The following NRG1 variants were observed in gnomAD, a reference collection of about 807,000 sequenced individuals.
NRG1 encodes neuregulin 1, also known as pro-neuregulin-1, membrane-bound isoform.
A neutral mutation model predicts 63.8 loss-of-function variants in NRG1; 18 were observed. The ratio of observed to expected loss-of-function variants is 0.28; its 90% CI spans 0.19 to 0.42. The LOEUF (loss-of-function observed/expected upper bound fraction) is 0.42, where lower values mean the gene tolerates loss of function less well. Among genes scored for constraint, NRG1 ranks in the 10% least tolerant of loss-of-function variants. The probability of loss-of-function intolerance (pLI) is 1.00; values close to 1 mark genes in which losing one functional copy is unlikely to be tolerated. For missense variants in NRG1, 762 were observed against 814.7 expected (o/e 0.94, Z 0.79); for synonymous variants, 302 against 301.3 (o/e 1.00, Z -0.02).
chr8:32,596,144 C>A, intron 2 of NRG1, 139 bp downstream of exon 2: 1 of 662,948 alleles, frequency 1.5e-6, no homozygotes, highest in Non-Finnish European at 2.3e-6. Flanking sequence ...TATATAATGA[C>A]AAAAAATCAT....
chr8:31,854,669 G>T (rs1028814208), intron 1 of NRG1, among the ~76,000 whole-genome samples: 16 of 151,978 alleles, frequency 1.1e-4, no homozygotes, highest in Non-Finnish European at 1.8e-4. Flanking sequence ...GAATGTGTTT[G>T]CTCTTGCTTT....
At chr8:32,771,476 C>T (rs1383151027), downstream of NRG1, among the ~76,000 whole-genome samples, 2 of 150,762 alleles carry the variant, frequency 1.3e-5, no homozygotes, top group African/African-American at 4.9e-5. Context: ...TCTTATGCAG[C>T]CATACCATTT....
chr8:32,531,177 A>G (rs1013584117), intron 1 of NRG1, among the ~76,000 whole-genome samples: 2 of 152,070 alleles, frequency 1.3e-5, no homozygotes, highest in African/African-American at 4.8e-5. Context: ...AAAGAAAGAG[A>G]TGTTATCCAT....
chr8:31,662,854 A>G (rs775696186), intron 1 of NRG1, among the ~76,000 whole-genome samples: 8 of 152,110 alleles, frequency 5.3e-5, no homozygotes, highest in African/African-American at 2.4e-5. Flanking sequence ...AAATAGGGGA[A>G]TTTTTTGGGT....
intron 1 of NRG1, among the ~76,000 whole-genome samples, chr8:31,945,539 T>G (rs999770058): frequency 6.6e-6 from 1 of 152,210 alleles, no homozygotes; most frequent in Admixed American, 6.5e-5. Flanking sequence ...GCGCCCCTTT[T>G]TACTGTGATG....
In NRG1 at chr8:31,942,144, T is replaced by C. The variant is rs375059310; in HGVS notation, c.37+302713T>C. ...CATTATCTAACATGAAACTATATTA[T>C]AAGGCAATAGTCACCAAAACAGCAT... is the stretch of plus-strand genomic sequence containing the variant. On this transcript the variant is annotated intron_variant, in intron 1 of 10. Transcript: ENST00000519301. 3.3e-5 allele frequency among the ~76,000 whole-genome samples: 5 copies of C among 152,102 alleles called. No individual in the cohort carries two copies. The East Asian group carries it at 9.7e-4, about 29-fold the overall frequency.
At chr8:31,783,254 T>C (rs774533485) in intron 1 of NRG1, among the ~76,000 whole-genome samples, 91 of 152,158 alleles carry the variant, frequency 6.0e-4, no homozygotes, top group Non-Finnish European at 1.9e-4. Context: ...AACCACATCG[T>C]AAAAGTAGTG....
chr8:31,880,439 G>C (rs557849653), intron 1 of NRG1, among the ~76,000 whole-genome samples: 1 of 152,068 alleles, frequency 6.6e-6, no homozygotes, highest in Non-Finnish European at 1.5e-5. Context: ...TTTAGCTTAC[G>C]AAAGCTACTC....
chr8:31,780,563 G>A (rs1017489214), intron 1 of NRG1, among the ~76,000 whole-genome samples: 1 of 152,030 alleles, frequency 6.6e-6, no homozygotes, highest in Non-Finnish European at 1.5e-5. Context: ...TTTAAAAATC[G>A]AATCCAATTT....
intron 1 of NRG1, among the ~76,000 whole-genome samples, chr8:32,321,254 A>G (rs1277480406): frequency 2.0e-5 from 3 of 152,142 alleles, no homozygotes; most frequent in Non-Finnish European, 4.4e-5. Flanking sequence ...AGAAAGCCTT[A>G]CTATAACTTG....
In NRG1 at chr8:32,742,559, G is replaced by A; in HGVS notation, c.633-116G>A. 1.1e-6 allele frequency: 1 copy of A among 898,746 alleles called. No homozygotes were observed. Among genetic ancestry groups the A allele is most frequent in the South Asian group, 1.5e-5 (1 of 65,402 alleles). The allele number at this position is 898,746 out of a possible 1,614,324, so 55.7% of individuals were successfully genotyped here. On this transcript the variant is annotated intron_variant, in intron 6 of 11. Coordinates refer to ENST00000356819, the Ensembl canonical transcript of NRG1. This position sits in a 1 kb window ranked among gnomAD's most constrained non-coding sequence, Gnocchi z 4.2. Reference sequence around the variant, plus strand: ...ATCAGGGCAAAGATTCAGTTCCTGAGGGTGAACTCACCAAGTTTCAGTCAA... The same window carrying A: ...ATCAGGGCAAAGATTCAGTTCCTGAAGGTGAACTCACCAAGTTTCAGTCAA...
intron 1 of NRG1, among the ~76,000 whole-genome samples, chr8:32,132,153 A>T (rs995345398): frequency 2.6e-5 from 4 of 152,038 alleles, no homozygotes; most frequent in African/African-American, 9.7e-5. Flanking sequence ...GAGGTAAGGG[A>T]CTACAATGGG....
chr8:31,733,286 G>T (rs560355864), intron 1 of NRG1, among the ~76,000 whole-genome samples: 1 of 152,058 alleles, frequency 6.6e-6, no homozygotes, highest in Admixed American at 6.6e-5. Context: ...GTATACAGGT[G>T]CAGGTATCTT....
chr8:32,086,575 T>C lies in NRG1; in HGVS notation c.37+447144T>C, dbSNP rs144468806. Among the ~76,000 whole-genome samples, 3 of 152,308 alleles carry C rather than the reference T, an allele frequency of 2.0e-5. No homozygotes were observed. The East Asian group carries it at 5.8e-4, about 29-fold the overall frequency. On this transcript the variant is annotated intron_variant, in intron 1 of 10. Coordinates refer to the NRG1 transcript ENST00000519301. ...TGTTTATTGTGATAACTACAACTTA[T>C]ATTAACTTGTTGACATGCTTTTTCT...
chr8:32,364,365 T>C (rs1490882359), intron 1 of NRG1, among the ~76,000 whole-genome samples: 2 of 152,122 alleles, frequency 1.3e-5, no homozygotes, highest in African/African-American at 4.8e-5. Context: ...TGAGACAGTG[T>C]GCATATATAA....
chr8:32,737,236 G>T (rs1825294712), intron 6 of NRG1, among the ~76,000 whole-genome samples: 1 of 152,124 alleles, frequency 6.6e-6, no homozygotes, highest in Admixed American at 6.6e-5. Context: ...ACTGTGAGAA[G>T]GATACTGGGA....
chr8:32,243,518 C>T (rs1356476685), intron 1 of NRG1, among the ~76,000 whole-genome samples: 1 of 151,926 alleles, frequency 6.6e-6, no homozygotes, highest in Non-Finnish European at 1.5e-5. Context: ...CTGTAAAGAC[C>T]CTATCTCTAA....
Position 32,460,702 on chromosome 8 carries a change from C to G in NRG1, c.38-135126C>G, listed in dbSNP as rs114045876. 8.5e-3 allele frequency among the ~76,000 whole-genome samples: 1,289 copies of G among 152,312 alleles called. 18 individuals are homozygous for G. Among genetic ancestry groups the G allele is most frequent in the African/African-American group, 0.03 (1,229 of 41,572 alleles). ...AACAACAATTTGTTTTTCACTGGTT[C>G]TGCTTTCAAACAACTTCCAAGAGCA... is the stretch of plus-strand genomic sequence containing the variant. On this transcript the variant is annotated intron_variant, in intron 1 of 10. Coordinates refer to the NRG1 transcript ENST00000519301.
intron 1 of NRG1, among the ~76,000 whole-genome samples, chr8:31,691,091 A>C (rs551758390): frequency 6.6e-6 from 1 of 152,246 alleles, no homozygotes; most frequent in East Asian, 1.9e-4. Flanking sequence ...AAGAAGGGAA[A>C]CCAACCAAAG....
Sources: gnomAD v4.1 joint callset for allele counts (sites outside exome capture counted in the v4.1 genomes callset) on GRCh38, gnomAD v4.1.1 for gene constraint, Gnocchi (gnomAD v3.1) non-coding constraint, MANE v1.5 for transcripts, NCBI Gene and HGNC (gene_info 2026-07-23, HGNC 2026-07-21) for gene names.